The following GRAMD2B variants were observed in gnomAD, a reference collection of about 807,000 sequenced individuals.
The protein encoded by GRAMD2B is GRAM domain containing 2B, also known as GRAM domain-containing protein 2B.
In GRAMD2B, 41 loss-of-function variants were observed where a neutral mutation model predicts 59.2. The observed-to-expected ratio is 0.69, with a 90% CI of 0.54 to 0.90. The LOEUF is 0.90. Among genes scored for constraint, GRAMD2B ranks in the 40% least tolerant of loss-of-function variants. The probability of loss-of-function intolerance (pLI) is 0.00; values close to 1 mark genes in which losing one functional copy is unlikely to be tolerated. For missense variants in GRAMD2B, 424 were observed against 500.5 expected, an observed-to-expected ratio of 0.85 and a Z score of 1.46; for synonymous variants, 161 against 182.7, an observed-to-expected ratio of 0.88 and a Z score of 0.96.
intron 9 of GRAMD2B, among the ~76,000 whole-genome samples, chr5:126,484,030 A>G (rs887498684): frequency 6.6e-6 from 1 of 152,102 alleles, no homozygotes; most frequent in African/African-American, 2.4e-5. Flanking sequence ...GGGTTTCACC[A>G]TGTTGGTCAG....
At chr5:126,364,053 A>G (rs4836252) in intron 1 of GRAMD2B, among the ~76,000 whole-genome samples, 22,805 of 152,224 alleles carry the variant, frequency 0.15, 2,115 homozygotes, top group East Asian at 0.26. Context: ...TGATTTTATT[A>G]TAAGTATTGA....
chr5:126,431,760 T>C (rs534493461), intron 1 of GRAMD2B, among the ~76,000 whole-genome samples: 69 of 147,248 alleles, frequency 4.7e-4, no homozygotes, highest in African/African-American at 1.6e-3. Context: ...CTGAGTTATA[T>C]TGAAAGGAGA....
At chr5:126,439,123 AC>A (rs1301915746) in intron 1 of GRAMD2B, among the ~76,000 whole-genome samples, 4 of 152,134 alleles carry the variant, frequency 2.6e-5, no homozygotes, top group African/African-American at 9.7e-5. Context: ...CATTCCACCC[AC>A]ATGGCCATTG....
At chr5:126,366,872 T>TGGG (rs1754463702), upstream of GRAMD2B, among the ~76,000 whole-genome samples, 1 of 143,694 alleles carries the variant, frequency 7.0e-6, no homozygotes. Flanking sequence ...TTTTTCTTTT[T>TGGG]GAGATGGAGT....
chr5:126,478,764 A>C (rs1210189011), intron 6 of GRAMD2B, among the ~76,000 whole-genome samples: 5 of 152,164 alleles, frequency 3.3e-5, no homozygotes, highest in African/African-American at 1.2e-4. Flanking sequence ...AAATATATAT[A>C]AAGAACAAGA....
chr5:126,439,354 A>G (rs1263236349), intron 1 of GRAMD2B, among the ~76,000 whole-genome samples: 1 of 132,456 alleles, frequency 7.5e-6, no homozygotes, highest in Non-Finnish European at 1.5e-5. Flanking sequence ...TTGGAGACAG[A>G]GTCACTCTGT....
intron 13 of GRAMD2B, among the ~76,000 whole-genome samples, chr5:126,492,137 G>A (rs775820329): frequency 3.3e-5 from 5 of 152,174 alleles, no homozygotes; most frequent in Non-Finnish European, 7.4e-5. Flanking sequence ...GACGTGGTTG[G>A]TCTCTGTCCC....
At chr5:126,481,213 AAGAAAGAAAGAAAG>A (rs1771732518) in intron 8 of GRAMD2B, among the ~76,000 whole-genome samples, 1 of 7,070 alleles carries the variant, frequency 1.4e-4, no homozygotes, top group East Asian at 4.1e-3. Flanking sequence ...AAAAGAAAGA[AAGAAAGAAAGAAAG>A]AAAGAAAGAA....
chr5:126,395,821 T>A (rs1171138565), intron 1 of GRAMD2B, among the ~76,000 whole-genome samples: 1 of 152,160 alleles, frequency 6.6e-6, no homozygotes, highest in Non-Finnish European at 1.5e-5. Flanking sequence ...TGAGGTATAG[T>A]TGACAAATTA....
upstream of GRAMD2B, among the ~76,000 whole-genome samples, chr5:126,367,816 A>G (rs1199002456): frequency 6.6e-6 from 1 of 152,182 alleles, no homozygotes; most frequent in African/African-American, 2.4e-5. Context: ...CAGTGGCGCC[A>G]TCTCGGCTCA....
intron 1 of GRAMD2B, among the ~76,000 whole-genome samples, chr5:126,435,572 T>C (rs1171428131): frequency 6.6e-6 from 1 of 152,194 alleles, no homozygotes; most frequent in East Asian, 1.9e-4. Flanking sequence ...CTACCGACTC[T>C]TTGAAACTTT....
chr5:126,433,949 G>A (rs1160071777), intron 1 of GRAMD2B: 4 of 152,206 alleles, frequency 2.6e-5, no homozygotes, highest in South Asian at 2.1e-4. Flanking sequence ...TAGTCATAAG[G>A]TTGGCAAATC....
intron 1 of GRAMD2B, among the ~76,000 whole-genome samples, chr5:126,439,242 C>T (rs548951665): frequency 1.3e-5 from 2 of 151,796 alleles, no homozygotes. Context: ...GTTGGACTTT[C>T]CGTATGTTGA....
chr5:126,384,612 G>T (rs1406574016), intron 1 of GRAMD2B, among the ~76,000 whole-genome samples: 1 of 152,204 alleles, frequency 6.6e-6, no homozygotes, highest in Non-Finnish European at 1.5e-5. Context: ...TATCTTCAGT[G>T]GTCTCACAGA....
At chr5:126,457,640 A>G (rs539160322) in intron 1 of GRAMD2B, among the ~76,000 whole-genome samples, 40 of 151,972 alleles carry the variant, frequency 2.6e-4, no homozygotes, top group Non-Finnish European at 5.0e-4. Context: ...CGGGGGGAAA[A>G]AAATTGTATA....
chr5:126,423,529 C>A lies in GRAMD2B; in HGVS notation c.-78C>A. 1.3e-6 allele frequency: 2 copies of A among 1,560,080 alleles called. No individual in the cohort carries two copies. On this transcript the variant is annotated 5_prime_UTR_variant, in exon 1 of 14. Transcript: ENST00000285689. Reference sequence around the variant, plus strand: ...GGCGCCGCTTGCTTGGCCTGCGCACCCGGACCTAGAAGCCGGGACGAGCCG... The same window carrying A: ...GGCGCCGCTTGCTTGGCCTGCGCACACGGACCTAGAAGCCGGGACGAGCCG...
chr5:126,364,593 A>T, intron 1 of GRAMD2B, among the ~76,000 whole-genome samples: 1 of 152,224 alleles, frequency 6.6e-6, no homozygotes, highest in East Asian at 1.9e-4. Context: ...TGATGTGAAG[A>T]GGATCTAGAT....
chr5:126,420,054 C>CAAAAA (rs386404926), upstream of GRAMD2B, among the ~76,000 whole-genome samples: 18 of 103,474 alleles, frequency 1.7e-4, no homozygotes, highest in South Asian at 7.3e-4. Context: ...GACTCTTTCT[C>CAAAAA]AAAAAAAAAA....
intron 1 of GRAMD2B, among the ~76,000 whole-genome samples, chr5:126,442,657 C>G (rs1015301610): frequency 7.2e-5 from 11 of 152,062 alleles, no homozygotes; most frequent in African/African-American, 2.4e-4. Flanking sequence ...TTTCTGTGAG[C>G]CCCCTGCTTA....
Sources: allele counts gnomAD v4.1 joint callset (sites outside exome capture counted in the v4.1 genomes callset), GRCh38; gene constraint gnomAD v4.1.1; transcripts MANE v1.5; gene names NCBI Gene and HGNC (gene_info 2026-07-23, HGNC 2026-07-21).